Variants in OPCML observed in about 807,000 individuals in gnomAD.
OPCML encodes the protein opioid binding protein/cell adhesion molecule like.
Under a neutral mutation model 37.8 loss-of-function variants are expected in OPCML, and 13 were observed. That is an observed-to-expected ratio of 0.34 (90% confidence interval 0.22 to 0.55). OPCML has a LOEUF of 0.55. Ranked by LOEUF, OPCML falls within the 20% of genes least tolerant of loss-of-function variation. The pLI, the probability that OPCML is intolerant of heterozygous loss-of-function variation, is 0.91. For missense variants in OPCML, 341 were observed against 435.6 expected, an observed-to-expected ratio of 0.78 and a Z score of 1.93; for synonymous variants, 176 against 168.8, an observed-to-expected ratio of 1.04 and a Z score of -0.33.
chr11:133,433,066 A>T (rs962429162), intron 1 of OPCML, among the ~76,000 whole-genome samples: 2 of 152,014 alleles, frequency 1.3e-5, no homozygotes, highest in African/African-American at 2.4e-5. Context: ...GCTGGAACTA[A>T]TCTGTTTTGT....
chr11:133,368,515 G>A (rs532457562), intron 1 of OPCML, among the ~76,000 whole-genome samples: 10 of 152,142 alleles, frequency 6.6e-5, no homozygotes, highest in South Asian at 4.2e-4. Context: ...AAGCCTATGA[G>A]AGAATAAAAA....
intron 1 of OPCML, among the ~76,000 whole-genome samples, chr11:133,141,071 AAGAAGAAGAAGAAGAAGAAGAAGG>A: frequency 1.2e-5 from 1 of 83,618 alleles, no homozygotes; most frequent in African/African-American, 3.3e-5. Context: ...GAAGAAGAAG[AAGAAGAAGAAGAAGAAGAAGAAGG>A]AGAAGAAGAA....
At chr11:132,789,094 C>T (rs954744068) in intron 2 of OPCML, among the ~76,000 whole-genome samples, 7 of 152,154 alleles carry the variant, frequency 4.6e-5, no homozygotes, top group Non-Finnish European at 1.0e-4. Context: ...CATGCCATTC[C>T]CTCAGCCTGT....
chr11:132,872,557 G>A (rs1044884941), intron 2 of OPCML, among the ~76,000 whole-genome samples: 7 of 152,192 alleles, frequency 4.6e-5, no homozygotes, highest in East Asian at 1.9e-4. Flanking sequence ...CAGTGCCTAC[G>A]GAACCCATGA....
intron 2 of OPCML, among the ~76,000 whole-genome samples, chr11:132,744,631 C>T (rs765637867): frequency 6.6e-6 from 1 of 152,198 alleles, no homozygotes; most frequent in Non-Finnish European, 1.5e-5. Flanking sequence ...ATGTGTTATG[C>T]ATTGACTAAA....
chr11:133,444,364 C>T (rs977627597), intron 1 of OPCML, among the ~76,000 whole-genome samples: 2 of 152,086 alleles, frequency 1.3e-5, no homozygotes, highest in Non-Finnish European at 2.9e-5. Context: ...GTCTCTTATA[C>T]AAATATTAAG....
At chr11:133,306,612 A>T (rs1942926565) in intron 1 of OPCML, among the ~76,000 whole-genome samples, 1 of 152,196 alleles carries the variant, frequency 6.6e-6, no homozygotes, top group Non-Finnish European at 1.5e-5. Flanking sequence ...ACAAGACTGA[A>T]AATGTTATAT....
At chr11:132,496,853 G>A (rs938633967) in intron 4 of OPCML, among the ~76,000 whole-genome samples, 4 of 152,192 alleles carry the variant, frequency 2.6e-5, no homozygotes, top group Non-Finnish European at 5.9e-5. Context: ...GAGAAGATCA[G>A]GATAGGTTTG....
intron 2 of OPCML, among the ~76,000 whole-genome samples, chr11:132,745,113 T>G (rs1420364986): frequency 1.3e-5 from 2 of 152,178 alleles, no homozygotes; most frequent in African/African-American, 4.8e-5. Flanking sequence ...CACAGTAGAC[T>G]TCATGGTCTG....
intron 3 of OPCML, among the ~76,000 whole-genome samples, chr11:132,556,532 GGA>G (rs2096396061): frequency 6.6e-6 from 1 of 152,184 alleles, no homozygotes; most frequent in Non-Finnish European, 1.5e-5. Context: ...CACACAAACA[GGA>G]GAGTGTGTGG....
intron 1 of OPCML, among the ~76,000 whole-genome samples, chr11:133,204,888 A>ATATGTGTATATATATATATATATGTG (rs1555114229): frequency 7.7e-6 from 1 of 129,154 alleles, no homozygotes; most frequent in South Asian, 2.5e-4. Flanking sequence ...ATATATATAT[A>ATATGTGTATATATATATATATATGTG]TATATATATA....
At chr11:132,631,373 A>ATATATATATATC (rs1199864303) in intron 3 of OPCML, among the ~76,000 whole-genome samples, 9 of 133,988 alleles carry the variant, frequency 6.7e-5, no homozygotes, top group African/African-American at 2.4e-4. Flanking sequence ...ATATATATAT[A>ATATATATATATC]TATCTCCTAG....
At chr11:133,083,592 T>A (rs948007628) in intron 1 of OPCML, among the ~76,000 whole-genome samples, 4 of 152,238 alleles carry the variant, frequency 2.6e-5, no homozygotes, top group Non-Finnish European at 5.9e-5. Context: ...CTGGATTCAG[T>A]TGCATGTTCG....
intron 1 of OPCML, among the ~76,000 whole-genome samples, chr11:133,387,093 T>C (rs1440265485): frequency 6.6e-6 from 1 of 152,192 alleles, no homozygotes; most frequent in Non-Finnish European, 1.5e-5. Flanking sequence ...GTACAAATGT[T>C]CCTCAAACAC....
intron 1 of OPCML, among the ~76,000 whole-genome samples, chr11:133,029,619 A>G (rs1470679738): frequency 1.3e-5 from 2 of 152,234 alleles, no homozygotes; most frequent in Non-Finnish European, 2.9e-5. Flanking sequence ...TAATGCAGGA[A>G]CAGAAAACCA....
chr11:132,732,876 A>G (rs1185510766), intron 2 of OPCML, among the ~76,000 whole-genome samples: 1 of 152,116 alleles, frequency 6.6e-6, no homozygotes, highest in African/African-American at 2.4e-5. Context: ...AATTTACCTG[A>G]AGAACAGAAG....
At position 132,535,317 on chromosome 11, in the gene OPCML, G is replaced by T. The variant is rs530481595; in HGVS notation, c.380-6131C>A. Reference sequence around the variant, plus strand: ...ATCTCACATGTGTATGAAGAAATTGGCTTTTAAAATGTTTTCTTTTAGGGG... The same window carrying T: ...ATCTCACATGTGTATGAAGAAATTGTCTTTTAAAATGTTTTCTTTTAGGGG... On this transcript the variant is annotated intron_variant, in intron 3 of 7. Coordinates refer to ENST00000524381, the MANE Select transcript of OPCML (RefSeq NM_001012393.5). 9.9e-5 allele frequency among the ~76,000 whole-genome samples: 15 copies of T among 152,134 alleles called. No homozygotes were observed. The South Asian group carries it at 2.9e-3, about 29-fold the overall frequency.
chr11:132,796,667 G>C (rs888797621), intron 2 of OPCML, among the ~76,000 whole-genome samples: 2 of 148,380 alleles, frequency 1.3e-5, no homozygotes, highest in African/African-American at 2.5e-5. Context: ...TCCGCCTCCC[G>C]GGTTCATGCC....
At chr11:133,340,187 C>G (rs1330531449) in intron 1 of OPCML, among the ~76,000 whole-genome samples, 2 of 152,254 alleles carry the variant, frequency 1.3e-5, no homozygotes, top group Non-Finnish European at 2.9e-5. Context: ...TGGGCCTTGT[C>G]TGAAGGCACT....
Sources: allele counts gnomAD v4.1 joint callset (sites outside exome capture counted in the v4.1 genomes callset), GRCh38; gene constraint gnomAD v4.1.1; transcripts MANE v1.5; gene names NCBI Gene and HGNC (gene_info 2026-07-23, HGNC 2026-07-21).